Variants in C2orf92 observed in about 807,000 individuals in gnomAD.
The protein encoded by C2orf92 is chromosome 2 open reading frame 92, also known as uncharacterized protein C2orf92.
chr2:97,664,020 C>T (rs1675114527), upstream of C2orf92: 4 of 434,290 alleles, frequency 9.2e-6, no homozygotes, highest in Admixed American at 5.1e-5. Flanking sequence ...AGCCTGCAGC[C>T]TACGCGAGCC....
chr2:97,669,416 T>C (rs1675336268), upstream of C2orf92: 1 of 162,306 alleles, frequency 6.2e-6, no homozygotes, highest in African/African-American at 2.4e-5. Flanking sequence ...TCTTGATTGA[T>C]CATAGGATTT....
intron 3 of C2orf92, among the ~76,000 whole-genome samples, chr2:97,683,310 G>T (rs949987528): frequency 3.9e-5 from 6 of 152,002 alleles, no homozygotes; most frequent in African/African-American, 9.7e-5. Context: ...GAAAGTGAAA[G>T]ACTTATACCA....
At chr2:97,669,491 A>C (rs766575043), upstream of C2orf92, 2 of 287,340 alleles carry the variant, frequency 7.0e-6, no homozygotes, top group Non-Finnish European at 1.3e-5. Flanking sequence ...ATCACTTGTG[A>C]CTTCAGAGTC....
chr2:97,686,734 A>G (rs1675977323), intron 3 of C2orf92, among the ~76,000 whole-genome samples: 1 of 151,554 alleles, frequency 6.6e-6, no homozygotes. Context: ...CAGTTGATTT[A>G]AAAGTTCTGG....
chr2:97,698,015 C>T (rs752420688), intron 5 of C2orf92: 2 of 152,114 alleles, frequency 1.3e-5, no homozygotes, highest in Non-Finnish European at 2.9e-5. Context: ...ATTTACCAAA[C>T]CCATCCAAAG....
chr2:97,663,942 T>TGGGC (rs770107213), upstream of C2orf92: 56 of 190,270 alleles, frequency 2.9e-4, no homozygotes, highest in East Asian at 4.7e-3. Context: ...AGGCACCGGA[T>TGGGC]GGGCGGGCGG....
chr2:97,701,339 C>A, intron 7 of C2orf92, 35 bp downstream of exon 7: 1 of 398,488 alleles, frequency 2.5e-6, no homozygotes, highest in East Asian at 3.6e-5. Context: ...CTTCCAAGAA[C>A]CCGCGGGTGT....
Position 97,701,190 on chromosome 2 carries a change from T to A in C2orf92, c.551T>A (p.Leu184Gln), listed in dbSNP as rs1676483485. 1 of 399,008 alleles carries A rather than the reference T, an allele frequency of 2.5e-6. No individual in the cohort carries two copies. Among genetic ancestry groups the A allele is most frequent in the African/African-American group, 2.1e-5 (1 of 48,650 alleles). The allele number at this position is 399,008 out of a possible 1,614,324, so 24.7% of individuals were successfully genotyped here. A position where few individuals can be genotyped will look rare whatever the true frequency, so the allele number is the denominator to read the frequency against. The change falls in exon 7 of 8, where the codon CTG becomes CAG. Residue 184 changes from leucine (L) to glutamine (Q), a missense_variant. Transcript: ENST00000627399. ...HFRTMPCGQL[L>Q]HFLQRNTIIA... is the part of the protein sequence containing the mutation. ...AGGACTATGCCCTGCGGGCAGCTTC[T>A]GCACTTCCTGCAGAGGAACACCATC...
At chr2:97,672,060 T>A (rs1280040587) in intron 1 of C2orf92, among the ~76,000 whole-genome samples, 1 of 152,166 alleles carries the variant, frequency 6.6e-6, no homozygotes, top group Non-Finnish European at 1.5e-5. Flanking sequence ...AGCAGAGAGC[T>A]GAGACGGAGA....
intron 5 of C2orf92, chr2:97,697,365 T>C (rs530065769): frequency 6.6e-6 from 1 of 152,322 alleles, no homozygotes; most frequent in Admixed American, 6.5e-5. Flanking sequence ...GAATAGGCAG[T>C]GGCTCTTGCC....
intron 6 of C2orf92, among the ~76,000 whole-genome samples, chr2:97,699,708 C>T (rs532139232): frequency 1.3e-5 from 2 of 152,342 alleles, no homozygotes; most frequent in East Asian, 1.9e-4. Context: ...GCTTCACCCT[C>T]GCTCATCCCT....
intron 4 of C2orf92, 40 bp downstream of exon 4, chr2:97,689,033 T>C: frequency 2.5e-6 from 1 of 398,592 alleles, no homozygotes; most frequent in Non-Finnish European, 4.4e-6. Context: ...CACACATTTC[T>C]ATAGGCCTAT....
upstream of C2orf92, among the ~76,000 whole-genome samples, chr2:97,667,558 G>A (rs1675274953): frequency 2.7e-5 from 4 of 148,486 alleles, no homozygotes; most frequent in Admixed American, 2.0e-4. Context: ...TCAGCCTCCC[G>A]AGTAGCTGGG....
At chr2:97,683,310 GACTTAT>G (rs1453203936) in intron 3 of C2orf92, among the ~76,000 whole-genome samples, 2 of 152,002 alleles carry the variant, frequency 1.3e-5, no homozygotes, top group African/African-American at 4.8e-5. Context: ...GAAAGTGAAA[GACTTAT>G]ACCAGTACTG....
chr2:97,670,374 C>G (rs1675376219), intron 1 of C2orf92: 1 of 151,728 alleles, frequency 6.6e-6, no homozygotes, highest in Non-Finnish European at 1.5e-5. Context: ...TGCGTGTGGT[C>G]CCAGCTACTA....
chr2:97,688,789 TG>T (rs1676043147), intron 3 of C2orf92, 105 bp from the exon 4 acceptor site: 1 of 397,000 alleles, frequency 2.5e-6, no homozygotes, highest in Non-Finnish European at 4.4e-6. Flanking sequence ...CTGTGGCGTT[TG>T]CGTCATGTAT....
intron 6 of C2orf92, among the ~76,000 whole-genome samples, chr2:97,699,754 C>T (rs1199440909): frequency 2.0e-5 from 3 of 152,216 alleles, no homozygotes; most frequent in East Asian, 3.8e-4. Context: ...AGAAGCTCAC[C>T]CATGCTGGTA....
rs544670236 is a variant in C2orf92 at position 97,683,351 on chromosome 2, A to G, written c.233-5544A>G. On this transcript the variant is annotated intron_variant, in intron 3 of 7. Coordinates refer to ENST00000627399, the MANE Select transcript of C2orf92 (RefSeq NM_001351368.2). Reference sequence around the variant, plus strand: ...GAAAACTACAAAGCACTGATAAAAGAAAATAGAGAAACAAAGAATCTCATG... The same window carrying G: ...GAAAACTACAAAGCACTGATAAAAGGAAATAGAGAAACAAAGAATCTCATG... 2.6e-5 allele frequency among the ~76,000 whole-genome samples: 4 copies of G among 152,292 alleles called. No homozygotes were observed. In the East Asian group the frequency reaches 7.7e-4, roughly 29 times the overall value.
chr2:97,697,550 G>A (rs1052509322), intron 5 of C2orf92, among the ~76,000 whole-genome samples: 2 of 152,160 alleles, frequency 1.3e-5, no homozygotes, highest in African/African-American at 4.8e-5. Context: ...CAAAAGTCAA[G>A]TTAATTATCA....
Sources: gnomAD v4.1 joint callset for allele counts (sites outside exome capture counted in the v4.1 genomes callset) on GRCh38, gnomAD v4.1.1 for gene constraint, MANE v1.5 for transcripts, NCBI Gene and HGNC (gene_info 2026-07-23, HGNC 2026-07-21) for gene names.